SDK1: variants seen among roughly 807,000 people sequenced by gnomAD.
The protein encoded by SDK1 is sidekick cell adhesion molecule 1, also known as protein sidekick-1.
A neutral mutation model predicts 245.5 loss-of-function variants in SDK1; 157 were observed. The ratio of observed to expected loss-of-function variants is 0.64; its 90% CI spans 0.56 to 0.73. The LOEUF (loss-of-function observed/expected upper bound fraction) is 0.73. Ranked by LOEUF, SDK1 falls within the 30% of genes least tolerant of loss-of-function variation. SDK1 has a pLI of 0.00. For missense variants in SDK1, 3,583 were observed against 3,002.3 expected (o/e 1.19, Z -4.52); for synonymous variants, 1,647 against 1,278.5 (o/e 1.29, Z -6.15).
chr7:3,754,743 C>T (rs994271526), intron 4 of SDK1, among the ~76,000 whole-genome samples: 1 of 152,096 alleles, frequency 6.6e-6, no homozygotes, highest in African/African-American at 2.4e-5. Context: ...ATAATTCAGA[C>T]ATGATGAAAG....
intron 38 of SDK1, among the ~76,000 whole-genome samples, chr7:4,218,735 G>A (rs1288121585): frequency 3.3e-5 from 5 of 152,024 alleles, no homozygotes; most frequent in Non-Finnish European, 7.4e-5. Context: ...ACTCACCAAG[G>A]GCAGCTCTTC....
At chr7:3,557,380 C>T (rs920873147) in intron 1 of SDK1, among the ~76,000 whole-genome samples, 1 of 152,046 alleles carries the variant, frequency 6.6e-6, no homozygotes, top group Non-Finnish European at 1.5e-5. Context: ...AATACTCAAC[C>T]AGGATGAAAT....
At chr7:3,685,214 TA>T (rs35896405) in intron 4 of SDK1, among the ~76,000 whole-genome samples, 33 of 148,968 alleles carry the variant, frequency 2.2e-4, no homozygotes, top group East Asian at 3.9e-4. Flanking sequence ...AACATTAAGT[TA>T]AAAAAAAAAA....
intron 1 of SDK1, among the ~76,000 whole-genome samples, chr7:3,570,463 C>T (rs1279544102): frequency 6.6e-6 from 1 of 152,098 alleles, no homozygotes; most frequent in East Asian, 1.9e-4. Flanking sequence ...TGGACGGGTA[C>T]CCGTCCACAG....
At chr7:3,358,803 G>C (rs1780876680) in intron 1 of SDK1, among the ~76,000 whole-genome samples, 2 of 152,084 alleles carry the variant, frequency 1.3e-5, no homozygotes, top group South Asian at 2.1e-4. Flanking sequence ...GGCAAAATGG[G>C]GTGGGTTTCA....
intron 25 of SDK1, among the ~76,000 whole-genome samples, chr7:4,117,499 A>G (rs1454003414): frequency 6.6e-6 from 1 of 152,198 alleles, no homozygotes; most frequent in African/African-American, 2.4e-5. Flanking sequence ...TGAATTCATC[A>G]ACACACTCAT....
At chr7:4,055,914 A>G (rs1369601592) in intron 19 of SDK1, among the ~76,000 whole-genome samples, 1 of 151,962 alleles carries the variant, frequency 6.6e-6, no homozygotes, top group Non-Finnish European at 1.5e-5. Flanking sequence ...TGTGCTGTTC[A>G]TTTTCCATGT....
intron 1 of SDK1, among the ~76,000 whole-genome samples, chr7:3,395,604 A>G (rs1781876858): frequency 6.6e-6 from 1 of 151,982 alleles, no homozygotes; most frequent in East Asian, 1.9e-4. Context: ...GAAATTCCCC[A>G]GTGAAGGAAT....
At chr7:3,983,366 C>T (rs1029793593) in intron 13 of SDK1, among the ~76,000 whole-genome samples, 2 of 152,122 alleles carry the variant, frequency 1.3e-5, no homozygotes, top group African/African-American at 4.8e-5. Flanking sequence ...TTGCCACAGT[C>T]CCCCCAGCCT....
Position 4,178,595 on chromosome 7 carries a change from C to T in SDK1, c.5098+9C>T, listed in dbSNP as rs377111452. 43 of 1,597,222 alleles carry T rather than the reference C, an allele frequency of 2.7e-5. No homozygotes were observed. Among genetic ancestry groups the T allele is most frequent in the African/African-American group, 8.0e-5 (6 of 74,670 alleles). ...CTTTGTCGGCGAGGCTGGTAAGCTC[C>T]GTGCACCCCCAACCCCACTGCCAGA... On this transcript the variant is annotated intron_variant, in intron 35 of 44. Transcript: ENST00000404826.
intron 25 of SDK1, among the ~76,000 whole-genome samples, chr7:4,126,497 A>C (rs1173990017): frequency 2.0e-5 from 3 of 152,150 alleles, no homozygotes; most frequent in Non-Finnish European, 2.9e-5. Flanking sequence ...GAGGCGGACA[A>C]ATCACTTGAG....
At chr7:3,861,717 T>G (rs937618276) in intron 5 of SDK1, among the ~76,000 whole-genome samples, 1 of 152,170 alleles carries the variant, frequency 6.6e-6, no homozygotes, top group Admixed American at 6.5e-5. Flanking sequence ...TAAAACATTC[T>G]GAATCAATTA....
At chr7:3,464,126 A>G (rs1275493661) in intron 1 of SDK1, among the ~76,000 whole-genome samples, 2 of 152,232 alleles carry the variant, frequency 1.3e-5, no homozygotes, top group Admixed American at 6.5e-5. Flanking sequence ...TCTGAGAACA[A>G]TTACACTGAC....
chr7:3,564,919 G>A (rs1444966281), intron 1 of SDK1, among the ~76,000 whole-genome samples: 1 of 152,028 alleles, frequency 6.6e-6, no homozygotes, highest in South Asian at 2.1e-4. Context: ...GCAAAAATGC[G>A]ATTATCTCAA....
At chr7:3,927,144 A>G (rs1779800871) in intron 5 of SDK1, among the ~76,000 whole-genome samples, 1 of 152,116 alleles carries the variant, frequency 6.6e-6, no homozygotes, top group South Asian at 2.1e-4. Context: ...GCGGCCCAGA[A>G]ATAGCCTGCG....
intron 38 of SDK1, among the ~76,000 whole-genome samples, chr7:4,213,161 C>T (rs1347522750): frequency 3.3e-5 from 5 of 152,184 alleles, no homozygotes; most frequent in Non-Finnish European, 7.3e-5. Context: ...CACCTGTAAT[C>T]CCAGCACTTT....
rs560990162 is a variant in SDK1 at position 3,586,561 on chromosome 7, T to C, written c.299-32519T>C. 1.3e-4 allele frequency among the ~76,000 whole-genome samples: 19 copies of C among 150,794 alleles called. No homozygotes were observed. The South Asian group carries it at 4.0e-3, about 32-fold the overall frequency. ...AAATACAAAAAAAAAAAAAATTAGC[T>C]GGGCATTGTGGCGGGCGCCTGTAGT... On this transcript the variant is annotated intron_variant, in intron 1 of 44. Transcript: ENST00000404826.
chr7:3,579,702 A>C (rs1237784875), intron 1 of SDK1, among the ~76,000 whole-genome samples: 2 of 152,196 alleles, frequency 1.3e-5, no homozygotes, highest in Non-Finnish European at 2.9e-5. Context: ...GGGAACACTT[A>C]CACCCTGTCA....
chr7:4,146,918 G>GGACT (rs1780023281), intron 29 of SDK1, among the ~76,000 whole-genome samples: 1 of 152,158 alleles, frequency 6.6e-6, no homozygotes, highest in African/African-American at 2.4e-5. Flanking sequence ...GCTGAGATTT[G>GGACT]GACTCCCCTC....
Sources: gnomAD v4.1 joint callset for allele counts (sites outside exome capture counted in the v4.1 genomes callset) on GRCh38, gnomAD v4.1.1 for gene constraint, MANE v1.5 for transcripts, NCBI Gene and HGNC (gene_info 2026-07-23, HGNC 2026-07-21) for gene names.